Variants in SLC4A10 observed in about 807,000 individuals in gnomAD.
The protein encoded by SLC4A10 is sodium-driven chloride bicarbonate exchanger.
A neutral mutation model predicts 137.7 loss-of-function variants in SLC4A10; 42 were observed. The observed-to-expected ratio is 0.30, with a 90% confidence interval of 0.24 to 0.39. SLC4A10 has a LOEUF of 0.39. Among genes scored for constraint, SLC4A10 ranks in the 10% least tolerant of loss-of-function variants. The probability of loss-of-function intolerance (pLI) is 1.00; values close to 1 mark genes in which losing one functional copy is unlikely to be tolerated. For missense variants in SLC4A10, 925 were observed against 1,355.0 expected, an observed-to-expected ratio of 0.68 and a Z score of 4.98; for synonymous variants, 474 against 464.1, an observed-to-expected ratio of 1.02 and a Z score of -0.27.
chr2:161,983,326 A>C lies in SLC4A10; in HGVS notation c.*174A>C. 1 of 1,332,574 alleles carries C rather than the reference A, an allele frequency of 7.5e-7. No individual in the cohort carries two copies. The highest frequency in any genetic ancestry group is 1.0e-6 in the Non-Finnish European group (1 of 971,572). The allele number at this position is 1,332,574 out of a possible 1,614,324, so 82.5% of individuals were successfully genotyped here. On this transcript the variant is annotated 3_prime_UTR_variant, in exon 27 of 27. Coordinates refer to ENST00000446997, the MANE Select transcript of SLC4A10 (RefSeq NM_001178015.2). The stretch of plus-strand genomic sequence containing the variant: ...TAAAACTGCTTTGATCATGTATTGT[A>C]AATTCTGTCCCTCAACCCAAATCCA...
chr2:161,920,859 A>G (rs78387428), intron 15 of SLC4A10, among the ~76,000 whole-genome samples: 19 of 152,336 alleles, frequency 1.2e-4, no homozygotes, highest in African/African-American at 4.6e-4. Context: ...TTCAACATCC[A>G]TTGATCTTCC....
At chr2:161,942,509 G>A (rs1330190498) in intron 15 of SLC4A10, among the ~76,000 whole-genome samples, 1 of 151,994 alleles carries the variant, frequency 6.6e-6, no homozygotes, top group South Asian at 2.1e-4. Context: ...CAATGGATTT[G>A]GATATTTATC....
intron 2 of SLC4A10, among the ~76,000 whole-genome samples, chr2:161,790,399 G>T (rs2054070888): frequency 6.6e-6 from 1 of 151,842 alleles, no homozygotes; most frequent in Admixed American, 6.6e-5. Context: ...TTTTTTCTTT[G>T]AAAAAGAACC....
Position 161,983,477 on chromosome 2 carries a change from G to A in SLC4A10, c.*325G>A, listed in dbSNP as rs186862495. 13 of 451,872 alleles carry A rather than the reference G, an allele frequency of 2.9e-5. No homozygotes were observed. In the East Asian group the frequency reaches 3.7e-4, roughly 13 times the overall value. The allele number at this position is 451,872 out of a possible 1,614,324, so 28.0% of individuals were successfully genotyped here. On this transcript the variant is annotated 3_prime_UTR_variant, in exon 27 of 27. Transcript: ENST00000446997. ...TCTGTGTGTTCCTTGCTGTACGTTAGACATTTGTAAACTGGATTCTGATTG... is the reference window on the plus strand; with the variant it reads ...TCTGTGTGTTCCTTGCTGTACGTTAAACATTTGTAAACTGGATTCTGATTG...
intron 1 of SLC4A10, among the ~76,000 whole-genome samples, chr2:161,722,561 C>T (rs1464585695): frequency 6.6e-6 from 1 of 152,160 alleles, no homozygotes; most frequent in Non-Finnish European, 1.5e-5. Context: ...GGAGCTCTGT[C>T]CCAGAGGAGC....
intron 5 of SLC4A10, among the ~76,000 whole-genome samples, chr2:161,857,995 A>T (rs2060200410): frequency 6.6e-6 from 1 of 152,138 alleles, no homozygotes; most frequent in Non-Finnish European, 1.5e-5. Context: ...TACAGGCATG[A>T]GTCACTGTGC....
chr2:161,746,112 T>G (rs1402130478), intron 1 of SLC4A10, among the ~76,000 whole-genome samples: 2 of 152,004 alleles, frequency 1.3e-5, no homozygotes, highest in Non-Finnish European at 2.9e-5. Context: ...GTTCAAGGCT[T>G]AAGAGCTCTT....
chr2:161,854,968 AG>A lies in SLC4A10; in HGVS notation c.417del. 6.2e-7 allele frequency: 1 copy of A among 1,611,608 alleles called. No individual in the cohort carries two copies. The highest frequency in any genetic ancestry group is 8.5e-7 in the Non-Finnish European group (1 of 1,178,756). ...CTGTGCTGATAATATTTGTTTGTAT[AG>A]GTGGTTGAAGTTTGAAGAAGATGTG... On this transcript the variant is annotated splice_acceptor_variant, in intron 4 of 26. Coordinates refer to ENST00000446997, the MANE Select transcript of SLC4A10 (RefSeq NM_001178015.2). LOFTEE classifies it high-confidence loss of function.
intron 1 of SLC4A10, among the ~76,000 whole-genome samples, chr2:161,706,118 T>C (rs898565971): frequency 6.6e-6 from 1 of 151,522 alleles, no homozygotes; most frequent in African/African-American, 2.4e-5. Context: ...ATAGATCTTA[T>C]CAACTAGATA....
intron 15 of SLC4A10, 140 bp from the exon 16 acceptor site, chr2:161,942,652 G>A (rs1336663427): frequency 1.6e-6 from 1 of 627,758 alleles, no homozygotes; most frequent in Non-Finnish European, 2.8e-6. Context: ...CTGTTGTGGA[G>A]TAGTTTAGGA....
At chr2:161,809,185 G>C (rs138669290) in intron 3 of SLC4A10, among the ~76,000 whole-genome samples, 3 of 151,970 alleles carry the variant, frequency 2.0e-5, no homozygotes, top group Non-Finnish European at 4.4e-5. Context: ...TTTCTTTTGA[G>C]AAGTGTCTGT....
At chr2:161,745,168 T>G (rs1463100274) in intron 1 of SLC4A10, among the ~76,000 whole-genome samples, 1 of 152,192 alleles carries the variant, frequency 6.6e-6, no homozygotes, top group African/African-American at 2.4e-5. Flanking sequence ...TCTCGCTACC[T>G]TCTCTTTAAG....
chr2:161,714,640 C>G (rs770505374), intron 1 of SLC4A10, among the ~76,000 whole-genome samples: 1 of 151,868 alleles, frequency 6.6e-6, no homozygotes, highest in Non-Finnish European at 1.5e-5. Context: ...TTTATTGAGG[C>G]TACTGTATAA....
intron 1 of SLC4A10, among the ~76,000 whole-genome samples, chr2:161,740,431 A>T (rs760917302): frequency 1.3e-5 from 2 of 152,276 alleles, no homozygotes; most frequent in Non-Finnish European, 2.9e-5. Context: ...TTCCCATTAG[A>T]GTATTTCTCT....
chr2:161,771,594 A>G (rs1425529955), intron 2 of SLC4A10, among the ~76,000 whole-genome samples: 1 of 151,874 alleles, frequency 6.6e-6, no homozygotes, highest in Admixed American at 6.6e-5. Flanking sequence ...CTTATTTGTC[A>G]TAGGAACTTC....
At chr2:161,753,140 C>T (rs1241766544) in intron 1 of SLC4A10, among the ~76,000 whole-genome samples, 1 of 152,020 alleles carries the variant, frequency 6.6e-6, no homozygotes, top group Non-Finnish European at 1.5e-5. Context: ...TAAAACAATT[C>T]ATAATCTTTG....
At chr2:161,692,842 T>G (rs956443696) in intron 1 of SLC4A10, among the ~76,000 whole-genome samples, 1 of 152,074 alleles carries the variant, frequency 6.6e-6, no homozygotes, top group Non-Finnish European at 1.5e-5. Flanking sequence ...GCAATTTTCA[T>G]TACAATTTGA....
At chr2:161,914,490 A>C (rs893796053) in intron 15 of SLC4A10, among the ~76,000 whole-genome samples, 1 of 152,118 alleles carries the variant, frequency 6.6e-6, no homozygotes, top group Non-Finnish European at 1.5e-5. Flanking sequence ...CTTCTGCTTC[A>C]ACTCCCCCTA....
rs1016112610 is a variant in SLC4A10 at position 161,895,554 on chromosome 2, G to C, written c.1341+729G>C. ...ACACTGTAAAAGTGTTCCTATTTCT[G>C]CACATCCTCTCCAGCACCTGTTGTT... On this transcript the variant is annotated intron_variant, in intron 11 of 26. Coordinates refer to ENST00000446997, the MANE Select transcript of SLC4A10 (RefSeq NM_001178015.2). Among the ~76,000 whole-genome samples the C allele has an allele frequency of 1.2e-3, 181 of 152,046 alleles. 1 individual carries two copies. The highest frequency in any genetic ancestry group is 3.4e-3 in the Middle Eastern group (1 of 294).
Sources: allele counts gnomAD v4.1 joint callset (sites outside exome capture counted in the v4.1 genomes callset), GRCh38; gene constraint gnomAD v4.1.1; transcripts MANE v1.5; gene names NCBI Gene and HGNC (gene_info 2026-07-23, HGNC 2026-07-21).